TRIM2: variants seen among roughly 807,000 people sequenced by gnomAD.
TRIM2 encodes the protein tripartite motif containing 2.
A neutral mutation model predicts 75.2 loss-of-function variants in TRIM2; 20 were observed. The observed-to-expected ratio is 0.27, with a 90% CI of 0.19 to 0.39. The LOEUF (loss-of-function observed/expected upper bound fraction) is 0.39, where lower values mean the gene tolerates loss of function less well. Among genes scored for constraint, TRIM2 ranks in the 10% least tolerant of loss-of-function variants. The pLI is 1.00. For synonymous variants in TRIM2, 373 were observed against 388.3 expected (o/e 0.96, Z 0.46); for missense variants, 660 against 990.8 (o/e 0.67, Z 4.48).
Position 153,282,058 on chromosome 4 carries a change from A to G in TRIM2, c.453+5928A>G, listed in dbSNP as rs948005384. On this transcript the variant is annotated intron_variant, in intron 3 of 11. Coordinates refer to ENST00000338700, the MANE Select transcript of TRIM2 (RefSeq NM_015271.5). ...CATCTTTTTTGCATGTTAGGAATGCATAGGATCCTGCCAGTCTCTTCTGGT... is the reference window on the plus strand; with the variant it reads ...CATCTTTTTTGCATGTTAGGAATGCGTAGGATCCTGCCAGTCTCTTCTGGT... 7.2e-5 allele frequency among the ~76,000 whole-genome samples: 11 copies of G among 152,248 alleles called. No homozygotes were observed. The East Asian group carries it at 7.7e-4, about 11-fold the overall frequency.
At chr4:153,229,242 T>C (rs541224464) in intron 1 of TRIM2, among the ~76,000 whole-genome samples, 1 of 152,382 alleles carries the variant, frequency 6.6e-6, no homozygotes, top group Admixed American at 6.5e-5. Context: ...ACAAATATTC[T>C]GAATTTTTTT....
Position 153,336,038 on chromosome 4 carries a change from T to C in TRIM2, c.*1072T>C. On this transcript the variant is annotated 3_prime_UTR_variant, in exon 12 of 12. Coordinates refer to ENST00000338700, the MANE Select transcript of TRIM2 (RefSeq NM_015271.5). ...AAGCATTACAGGTAAGGGCATGTTATGGTTATTTATCATTGTTTAATGAAT... is the reference window on the plus strand; with the variant it reads ...AAGCATTACAGGTAAGGGCATGTTACGGTTATTTATCATTGTTTAATGAAT... 1 of 985,806 alleles carries C rather than the reference T, an allele frequency of 1.0e-6. No individual in the cohort carries two copies. The highest frequency in any genetic ancestry group is 4.7e-5 in the South Asian group (1 of 21,284). The allele number at this position is 985,806 out of a possible 1,614,324, so 61.1% of individuals were successfully genotyped here. A position where few individuals can be genotyped will look rare whatever the true frequency, so the allele number is the denominator to read the frequency against.
intron 1 of TRIM2, among the ~76,000 whole-genome samples, chr4:153,167,126 C>T (rs1020150140): frequency 6.6e-6 from 1 of 152,210 alleles, no homozygotes; most frequent in Non-Finnish European, 1.5e-5. Flanking sequence ...GTTCCCTAAG[C>T]CCTGCAGTTG....
intron 1 of TRIM2, among the ~76,000 whole-genome samples, chr4:153,214,507 A>G (rs1737961898): frequency 6.6e-6 from 1 of 152,252 alleles, no homozygotes; most frequent in South Asian, 2.1e-4. Context: ...AAGAAACAAT[A>G]AAGAAAATTT....
chr4:153,168,525 G>T (rs1395291869), intron 1 of TRIM2, among the ~76,000 whole-genome samples: 1 of 152,138 alleles, frequency 6.6e-6, no homozygotes, highest in East Asian at 1.9e-4. Context: ...CACAGAGTTA[G>T]ATGAAAATGA....
intron 3 of TRIM2, among the ~76,000 whole-genome samples, chr4:153,279,018 T>G (rs531633249): frequency 6.6e-6 from 1 of 152,272 alleles, no homozygotes; most frequent in Non-Finnish European, 1.5e-5. Context: ...CGTCAATTTC[T>G]TAAATTGCAA....
chr4:153,249,328 G>A (rs1256124364), intron 1 of TRIM2, among the ~76,000 whole-genome samples: 2 of 152,022 alleles, frequency 1.3e-5, no homozygotes, highest in African/African-American at 4.8e-5. Flanking sequence ...TATGGAGCCC[G>A]GGCCCCGGCA....
chr4:153,328,116 C>A (rs1233346817), intron 10 of TRIM2, among the ~76,000 whole-genome samples: 2 of 152,150 alleles, frequency 1.3e-5, no homozygotes, highest in African/African-American at 2.4e-5. Flanking sequence ...ACTCTCTGAT[C>A]CAACTTTTAA....
intron 1 of TRIM2, among the ~76,000 whole-genome samples, chr4:153,192,632 A>G (rs1344109052): frequency 1.3e-5 from 2 of 151,282 alleles, no homozygotes; most frequent in East Asian, 3.9e-4. Flanking sequence ...GAAAGTTAAA[A>G]GAGTCTAACA....
chr4:153,325,008 G>A (rs1403089641), intron 10 of TRIM2, among the ~76,000 whole-genome samples: 1 of 152,204 alleles, frequency 6.6e-6, no homozygotes, highest in Non-Finnish European at 1.5e-5. Flanking sequence ...AAGGAAAAAT[G>A]ATAAGGAAAC....
chr4:153,336,105 G>C lies in TRIM2; in HGVS notation c.*1139G>C, dbSNP rs1015522935. Reference sequence around the variant, plus strand: ...GACTATGTATACATGATTAGGGTAAGATAGAATGTATTATATATATATATA... The same window carrying C: ...GACTATGTATACATGATTAGGGTAACATAGAATGTATTATATATATATATA... On this transcript the variant is annotated 3_prime_UTR_variant, in exon 12 of 12. Coordinates refer to ENST00000338700, the MANE Select transcript of TRIM2 (RefSeq NM_015271.5). The C allele has an allele frequency of 2.1e-6, 2 of 975,446 alleles. No homozygotes were observed. The highest frequency in any genetic ancestry group is 3.7e-5 in the African/African-American group (2 of 53,386). The allele number at this position is 975,446 out of a possible 1,614,324, so 60.4% of individuals were successfully genotyped here.
chr4:153,168,123 AT>A (rs75442475), intron 1 of TRIM2, among the ~76,000 whole-genome samples: 64,961 of 149,732 alleles, frequency 0.43, 15,336 homozygotes, highest in Non-Finnish European at 0.55. Context: ...CTGTACAAGG[AT>A]TTTTTTTTTT....
At chr4:153,325,540 C>G (rs1769981820) in intron 10 of TRIM2, among the ~76,000 whole-genome samples, 1 of 152,118 alleles carries the variant, frequency 6.6e-6, no homozygotes, top group Non-Finnish European at 1.5e-5. Context: ...GACTGCCTCC[C>G]CAAGAGTTAT....
Position 153,192,743 on chromosome 4 carries a change from C to G in TRIM2, c.-49+39473C>G, listed in dbSNP as rs566738258. Among the ~76,000 whole-genome samples, 13 of 152,300 alleles carry G rather than the reference C, an allele frequency of 8.5e-5. No individual in the cohort carries two copies. In the East Asian group the frequency reaches 2.3e-3, roughly 27 times the overall value. On this transcript the variant is annotated intron_variant, in intron 1 of 11. Transcript: ENST00000437508. Reference sequence around the variant, plus strand: ...CACTAAGCACTAGATCCAGGAGTCCCCGGGCCTTTGCACCCACTGTTCCAA... The same window carrying G: ...CACTAAGCACTAGATCCAGGAGTCCGCGGGCCTTTGCACCCACTGTTCCAA...
At chr4:153,309,064 G>A (rs1057214357) in intron 6 of TRIM2, among the ~76,000 whole-genome samples, 2 of 152,208 alleles carry the variant, frequency 1.3e-5, no homozygotes, top group African/African-American at 2.4e-5. Flanking sequence ...TGGTGTACAG[G>A]ACAGATGTTG....
rs1772389613 is a variant in TRIM2 at position 153,335,867 on chromosome 4, G to A, written c.*901G>A. On this transcript the variant is annotated 3_prime_UTR_variant, in exon 12 of 12. Coordinates refer to ENST00000338700, the MANE Select transcript of TRIM2 (RefSeq NM_015271.5). ...AGCGAAAGCTTTACCTCCTGCAAAT[G>A]TCAGCACATGTAGTAGGACACCAGT... 1.0e-6 allele frequency: 1 copy of A among 985,658 alleles called. No individual in the cohort carries two copies. Among genetic ancestry groups the A allele is most frequent in the African/African-American group, 1.7e-5 (1 of 57,196 alleles). 61.1% of individuals were successfully genotyped at this position (985,658 alleles called of 1,614,324 possible).
intron 1 of TRIM2, among the ~76,000 whole-genome samples, chr4:153,235,212 A>G (rs1744698676): frequency 6.6e-6 from 1 of 152,138 alleles, no homozygotes; most frequent in African/African-American, 2.4e-5. Context: ...TGAGAAGCAA[A>G]TTTCTGAAGC....
upstream of TRIM2, among the ~76,000 whole-genome samples, chr4:153,203,429 ACAC>A (rs1560808875): frequency 6.7e-6 from 1 of 150,168 alleles, no homozygotes; most frequent in Non-Finnish European, 1.5e-5. Context: ...ACACACACAC[ACAC>A]GAAGAAGAAC....
intron 1 of TRIM2, among the ~76,000 whole-genome samples, chr4:153,165,331 T>C (rs993415750): frequency 6.6e-6 from 1 of 152,344 alleles, no homozygotes; most frequent in South Asian, 2.1e-4. Flanking sequence ...TTTTAGTTTT[T>C]AAATTTTTAC....
Sources: gnomAD v4.1 joint callset for allele counts (sites outside exome capture counted in the v4.1 genomes callset) on GRCh38, gnomAD v4.1.1 for gene constraint, MANE v1.5 for transcripts, NCBI Gene and HGNC (gene_info 2026-07-23, HGNC 2026-07-21) for gene names.